NRG1: variants seen among roughly 807,000 people sequenced by gnomAD.
The protein encoded by NRG1 is neuregulin 1.
Under a neutral mutation model 63.8 loss-of-function variants are expected in NRG1, and 18 were observed. The ratio of observed to expected loss-of-function variants is 0.28; its 90% CI spans 0.19 to 0.42. The LOEUF (loss-of-function observed/expected upper bound fraction) is 0.42. Ranked by LOEUF, NRG1 falls within the 10% of genes least tolerant of loss-of-function variation. The probability of loss-of-function intolerance (pLI) is 1.00; values close to 1 mark genes in which losing one functional copy is unlikely to be tolerated. For synonymous variants in NRG1, 302 were observed against 301.3 expected (o/e 1.00, Z -0.02); for missense variants, 762 against 814.7 (o/e 0.94, Z 0.79).
intron 1 of NRG1, among the ~76,000 whole-genome samples, chr8:31,704,312 C>T (rs1047612385): frequency 1.3e-5 from 2 of 152,050 alleles, no homozygotes; most frequent in African/African-American, 2.4e-5. Flanking sequence ...ACAATGAAAT[C>T]CTTTCTTGAA....
intron 1 of NRG1, among the ~76,000 whole-genome samples, chr8:31,980,928 T>C (rs1563643785): frequency 6.6e-6 from 1 of 152,062 alleles, no homozygotes; most frequent in Non-Finnish European, 1.5e-5. Flanking sequence ...TCTATGTAAG[T>C]AGCAATCGAG....
chr8:32,462,864 A>G (rs1822497570), intron 1 of NRG1, among the ~76,000 whole-genome samples: 1 of 152,058 alleles, frequency 6.6e-6, no homozygotes, highest in South Asian at 2.1e-4. Flanking sequence ...TTGGCCTCCC[A>G]AAGTTCTGGG....
intron 1 of NRG1, among the ~76,000 whole-genome samples, chr8:32,090,442 TCCC>T: frequency 6.6e-6 from 1 of 152,136 alleles, no homozygotes; most frequent in African/African-American, 2.4e-5. Flanking sequence ...TGCCTCAGCC[TCCC>T]GAGAAGCTGG....
At chr8:32,207,715 AAAAG>A (rs1241745530) in intron 1 of NRG1, among the ~76,000 whole-genome samples, 1 of 152,234 alleles carries the variant, frequency 6.6e-6, no homozygotes. Context: ...ACAGTTTGAA[AAAAG>A]AAAGCCAGAG....
intron 1 of NRG1, among the ~76,000 whole-genome samples, chr8:32,561,621 T>A (rs552423913): frequency 6.6e-6 from 1 of 152,220 alleles, no homozygotes; most frequent in African/African-American, 2.4e-5. Context: ...CAAAAAAGCA[T>A]CCTCAGTGCT....
At chr8:32,763,901 A>C in exon 12 of NRG1, 1 of 1,614,074 alleles carries the variant, frequency 6.2e-7, no homozygotes, top group Non-Finnish European at 8.5e-7. Flanking sequence ...TCATGGAAGA[A>C]GAGAGACCTC....
intron 1 of NRG1, among the ~76,000 whole-genome samples, chr8:32,472,232 G>A (rs999335331): frequency 7.9e-5 from 12 of 152,080 alleles, no homozygotes; most frequent in East Asian, 7.7e-4. Context: ...GTGCAGTGGC[G>A]CGATATCAAC....
At chr8:32,767,903 A>C (rs763445954) in exon 12 of NRG1, 1 of 152,198 alleles carries the variant, frequency 6.6e-6, no homozygotes, top group African/African-American at 2.4e-5. Context: ...ATTTATTTAA[A>C]GTTTTGTCCA....
Position 32,306,844 on chromosome 8 carries a change from G to A in NRG1, c.38-288984G>A, listed in dbSNP as rs554013675. 1.8e-4 allele frequency among the ~76,000 whole-genome samples: 27 copies of A among 152,298 alleles called. No homozygotes were observed. The South Asian group carries it at 5.4e-3, about 30-fold the overall frequency. On this transcript the variant is annotated intron_variant, in intron 1 of 10. Transcript: ENST00000519301. ...TACAAAAGAGGAGCCATTCATCAAAGAACCAAATCCAGTGATTCGTGATCT... is the reference window on the plus strand; with the variant it reads ...TACAAAAGAGGAGCCATTCATCAAAAAACCAAATCCAGTGATTCGTGATCT...
intron 1 of NRG1, among the ~76,000 whole-genome samples, chr8:32,386,483 G>A (rs1419465069): frequency 6.6e-6 from 1 of 152,166 alleles, no homozygotes; most frequent in Non-Finnish European, 1.5e-5. Flanking sequence ...GAGATTCAGT[G>A]AGAGATTCTT....
At chr8:32,695,346 A>G (rs1043892236) in intron 5 of NRG1, among the ~76,000 whole-genome samples, 4 of 152,054 alleles carry the variant, frequency 2.6e-5, no homozygotes, top group Admixed American at 2.6e-4. Flanking sequence ...CTCTCAGAAA[A>G]AAGAAGGAAA....
chr8:31,838,368 T>A (rs995900068), intron 1 of NRG1, among the ~76,000 whole-genome samples: 1 of 152,130 alleles, frequency 6.6e-6, no homozygotes, highest in African/African-American at 2.4e-5. Context: ...CTTTAATATA[T>A]TGAAGAACTA....
At chr8:32,621,988 G>A (rs1176307344) in intron 5 of NRG1, among the ~76,000 whole-genome samples, 4 of 152,236 alleles carry the variant, frequency 2.6e-5, no homozygotes, top group African/African-American at 9.6e-5. Context: ...GTGGATTCAA[G>A]TAAATGACTT....
intron 1 of NRG1, among the ~76,000 whole-genome samples, chr8:31,917,351 G>A (rs1180519033): frequency 1.3e-5 from 2 of 150,682 alleles, no homozygotes; most frequent in African/African-American, 4.9e-5. Context: ...CTAACGTTTA[G>A]GTCTTTAATC....
At chr8:32,305,303 C>T (rs1377111377) in intron 1 of NRG1, among the ~76,000 whole-genome samples, 6 of 151,740 alleles carry the variant, frequency 4.0e-5, no homozygotes, top group Non-Finnish European at 5.9e-5. Flanking sequence ...AGAATTTTTG[C>T]GTTAGTGAAT....
chr8:32,591,442 T>C (rs1842502827), intron 1 of NRG1, among the ~76,000 whole-genome samples: 1 of 152,080 alleles, frequency 6.6e-6, no homozygotes, highest in Admixed American at 6.6e-5. Flanking sequence ...CTCTGCCTCA[T>C]TGCATTGTAG....
At chr8:32,643,727 T>C (rs556081649) in intron 5 of NRG1, among the ~76,000 whole-genome samples, 1 of 152,328 alleles carries the variant, frequency 6.6e-6, no homozygotes, top group South Asian at 2.1e-4. Context: ...GCTCATTTGA[T>C]TTAAATGATA....
intron 1 of NRG1, among the ~76,000 whole-genome samples, chr8:32,044,314 A>G (rs578185644): frequency 5.9e-5 from 9 of 152,052 alleles, no homozygotes; most frequent in African/African-American, 2.2e-4. Flanking sequence ...AGTAGAAACT[A>G]ACAAAAATGA....
intron 5 of NRG1, chr8:32,646,705 GA>G: frequency 6.1e-6 from 6 of 985,374 alleles, no homozygotes; most frequent in Non-Finnish European, 6.0e-6. Flanking sequence ...GAAAAAGGAG[GA>G]AAACGGGTGG....
Sources: gnomAD v4.1 joint callset for allele counts (sites outside exome capture counted in the v4.1 genomes callset) on GRCh38, gnomAD v4.1.1 for gene constraint, MANE v1.5 for transcripts, NCBI Gene and HGNC (gene_info 2026-07-23, HGNC 2026-07-21) for gene names.